RCSD1: variants seen among roughly 807,000 people sequenced by gnomAD.
RCSD1 encodes capZ-interacting protein.
RCSD1 carries 26 observed loss-of-function variants against 42.5 expected under a neutral mutation model. That is an observed-to-expected ratio of 0.61 (90% CI 0.45 to 0.85). The LOEUF is 0.85. Ranked by LOEUF, RCSD1 falls within the 40% of genes least tolerant of loss-of-function variation. The probability of loss-of-function intolerance (pLI) is 0.00; values close to 1 mark genes in which losing one functional copy is unlikely to be tolerated. For synonymous variants in RCSD1, 220 were observed against 212.2 expected (o/e 1.04, Z -0.32); for missense variants, 571 against 528.3 (o/e 1.08, Z -0.79).
Position 167,662,535 on chromosome 1 carries a change from T to G in RCSD1, c.7-21365T>G, listed in dbSNP as rs1281285171. The stretch of plus-strand genomic sequence containing the variant: ...TCTTCATTACCAGTTTTTCATCCAC[T>G]TTCCTCTATAATTGCTTGTGGACAC... On this transcript the variant is annotated intron_variant, in intron 1 of 6. Coordinates refer to ENST00000367854, the MANE Select transcript of RCSD1 (RefSeq NM_052862.4). Among the ~76,000 whole-genome samples the G allele has an allele frequency of 1.4e-4, 21 of 152,338 alleles. No individual in the cohort carries two copies. In the East Asian group the frequency reaches 3.9e-3, roughly 28 times the overall value.
intron 2 of RCSD1, among the ~76,000 whole-genome samples, chr1:167,684,313 C>G (rs1234868932): frequency 6.6e-6 from 1 of 152,210 alleles, no homozygotes; most frequent in Non-Finnish European, 1.5e-5. Context: ...ACAGCTGTGC[C>G]AGGCCTGGAC....
chr1:167,640,831 T>G (rs1159806768), intron 1 of RCSD1: 4 of 152,208 alleles, frequency 2.6e-5, no homozygotes, highest in Non-Finnish European at 5.9e-5. Context: ...ATTACAGGCA[T>G]TAAACACTGT....
At position 167,694,252 on chromosome 1, in the gene RCSD1, G is replaced by A; in HGVS notation, c.424G>A (p.Val142Ile). ...GCCCAGCGAGGCAGAGGAGGTGCCT[G>A]TCAGCTTCGACCAGCCCCCTGAAGG... is the stretch of plus-strand genomic sequence containing the variant. ...SRPSEAEEVP[V>I]SFDQPPEGSH... is the part of the protein sequence containing the mutation. Residue 142 changes from valine (V) to isoleucine (I), a missense_variant, in exon 5 of 7, where the codon GTC becomes ATC. Coordinates refer to ENST00000367854, the MANE Select transcript of RCSD1 (RefSeq NM_052862.4). 1.2e-6 allele frequency: 2 copies of A among 1,614,208 alleles called. No homozygotes were observed. Among genetic ancestry groups the A allele is most frequent in the Non-Finnish European group, 1.7e-6 (2 of 1,180,042 alleles).
intron 1 of RCSD1, among the ~76,000 whole-genome samples, chr1:167,653,805 T>G: frequency 6.6e-6 from 1 of 152,246 alleles, no homozygotes; most frequent in East Asian, 1.9e-4. Context: ...TCTTGGATGA[T>G]GAAGAAGAAC....
intron 4 of RCSD1, among the ~76,000 whole-genome samples, chr1:167,690,370 GGTAACGGGAT>G (rs1255888607): frequency 1.3e-5 from 2 of 152,092 alleles, no homozygotes; most frequent in Non-Finnish European, 2.9e-5. Flanking sequence ...GGGGTTGATG[GGTAACGGGAT>G]ACCTCAAGAG....
At chr1:167,639,384 C>T (rs150860322) in intron 1 of RCSD1, among the ~76,000 whole-genome samples, 655 of 152,336 alleles carry the variant, frequency 4.3e-3, no homozygotes, top group Admixed American at 6.2e-3. Context: ...CTCTGAAGTC[C>T]TCCACACAGT....
At chr1:167,653,309 T>A (rs781639910) in intron 1 of RCSD1, among the ~76,000 whole-genome samples, 25 of 152,252 alleles carry the variant, frequency 1.6e-4, no homozygotes, top group Admixed American at 9.2e-4. Flanking sequence ...ACATGTTGTG[T>A]AATTTTCCTT....
intron 1 of RCSD1, among the ~76,000 whole-genome samples, chr1:167,665,972 C>T (rs190127716): frequency 1.3e-4 from 20 of 151,998 alleles, no homozygotes; most frequent in Admixed American, 3.3e-4. Context: ...CCACCACACC[C>T]GGCTAATTTT....
chr1:167,638,639 T>A (rs954451396), intron 1 of RCSD1, among the ~76,000 whole-genome samples: 5 of 152,196 alleles, frequency 3.3e-5, no homozygotes, highest in Admixed American at 3.3e-4. Context: ...AGCTCAAGGC[T>A]TGGTGCTTGT....
At chr1:167,684,873 T>G (rs1160176909) in intron 2 of RCSD1, among the ~76,000 whole-genome samples, 1 of 152,082 alleles carries the variant, frequency 6.6e-6, no homozygotes, top group African/African-American at 2.4e-5. Flanking sequence ...AAACTCAGTC[T>G]CAAAATAAAT....
chr1:167,682,607 G>A (rs563773150), intron 1 of RCSD1, among the ~76,000 whole-genome samples: 112 of 152,192 alleles, frequency 7.4e-4, no homozygotes, highest in Admixed American at 2.3e-3. Flanking sequence ...ACTTTGGAGG[G>A]AGCACCCAAA....
At position 167,664,365 on chromosome 1, in the gene RCSD1, G is replaced by A. The variant is rs557256440; in HGVS notation, c.7-19535G>A. The A allele has an allele frequency of 1.3e-4, 20 of 152,346 alleles. No individual in the cohort carries two copies. The East Asian group carries it at 2.9e-3, about 22-fold the overall frequency. The allele number at this position is 152,346 out of a possible 1,614,324, so 9.4% of individuals were successfully genotyped here. A position where few individuals can be genotyped will look rare whatever the true frequency, so the allele number is the denominator to read the frequency against. ...CTGCTCACGCCCTGAGGCACACAGA[G>A]CTGGCATCCTGAGACCAAGCCAGGT... On this transcript the variant is annotated intron_variant, in intron 1 of 6. Coordinates refer to ENST00000367854, the MANE Select transcript of RCSD1 (RefSeq NM_052862.4).
At chr1:167,668,205 AAC>A (rs1210422192) in intron 1 of RCSD1, among the ~76,000 whole-genome samples, 4 of 151,980 alleles carry the variant, frequency 2.6e-5, no homozygotes, top group Non-Finnish European at 5.9e-5. Flanking sequence ...GAATCGCTTG[AAC>A]CTGGCAGGCG....
chr1:167,666,621 GGGGACAGTAACTGT>G (rs1465194160), intron 1 of RCSD1, among the ~76,000 whole-genome samples: 4 of 152,176 alleles, frequency 2.6e-5, no homozygotes, highest in Non-Finnish European at 4.4e-5. Flanking sequence ...AGCCCTGGGA[GGGGACAGTAACTGT>G]GAATCAGCCC....
intron 1 of RCSD1, among the ~76,000 whole-genome samples, chr1:167,667,884 C>T (rs1048325158): frequency 4.6e-5 from 7 of 152,068 alleles, no homozygotes; most frequent in East Asian, 1.9e-4. Context: ...ATTCATTTAC[C>T]GGCATTTACT....
At chr1:167,674,995 A>G (rs953590670) in intron 1 of RCSD1, among the ~76,000 whole-genome samples, 4 of 152,110 alleles carry the variant, frequency 2.6e-5, no homozygotes, top group Admixed American at 6.6e-5. Context: ...TCACAAAGTC[A>G]GGAGATCAAG....
intron 1 of RCSD1, among the ~76,000 whole-genome samples, chr1:167,668,102 C>G (rs1478967651): frequency 6.6e-6 from 1 of 152,008 alleles, no homozygotes; most frequent in Non-Finnish European, 1.5e-5. Context: ...ACCAGCCTGG[C>G]CAACATAGTG....
At position 167,697,535 on chromosome 1, in the gene RCSD1, C is replaced by T; in HGVS notation, c.911C>T (p.Pro304Leu). Residue 304 changes from proline to leucine, a missense_variant, in exon 6 of 7, where the codon CCA becomes CTA. Physicochemically the swap from Pro to Leu is moderately conservative, Grantham distance 98. Coordinates refer to ENST00000367854, the MANE Select transcript of RCSD1 (RefSeq NM_052862.4). Reference protein sequence around the residue: ...NRCGSPREEKPAGEEAEMEKA... With the variant: ...NRCGSPREEKLAGEEAEMEKA... ...TGTGGGAGCCCCAGGGAGGAAAAGC[C>T]AGCTGGAGAGGAAGCAGAGATGGAA... The T allele has an allele frequency of 1.2e-6, 2 of 1,606,320 alleles. No individual in the cohort carries two copies. The highest frequency in any genetic ancestry group is 1.7e-6 in the Non-Finnish European group (2 of 1,176,484).
intron 1 of RCSD1, among the ~76,000 whole-genome samples, chr1:167,631,852 G>A (rs147971291): frequency 6.1e-4 from 93 of 152,348 alleles, no homozygotes; most frequent in African/African-American, 1.9e-3. Flanking sequence ...CTCTAAAGGG[G>A]CAATAAGTTT....
Sources: gnomAD v4.1 joint callset for allele counts (sites outside exome capture counted in the v4.1 genomes callset) on GRCh38, gnomAD v4.1.1 for gene constraint, MANE v1.5 for transcripts, NCBI Gene and HGNC (gene_info 2026-07-23, HGNC 2026-07-21) for gene names.